NSMCE1: variants seen among roughly 807,000 people sequenced by gnomAD.
NSMCE1 encodes the protein NSE1 component of SMC5/6 complex, also known as non-structural maintenance of chromosomes element 1 homolog.
NSMCE1 carries 18 observed loss-of-function variants against 29.6 expected under a neutral mutation model. The observed-to-expected ratio is 0.61, with a 90% CI of 0.42 to 0.90. The LOEUF is 0.90. NSMCE1 is among the 40% of genes least tolerant of loss of function. NSMCE1 has a pLI of 0.00. For synonymous variants in NSMCE1, 124 were observed against 133.4 expected (o/e 0.93, Z 0.49); for missense variants, 314 against 343.6 (o/e 0.91, Z 0.68).
In NSMCE1 at chr16:27,251,488, C is replaced by T. The variant is rs2084035253; in HGVS notation, c.136+5947G>A. Among the ~76,000 whole-genome samples the T allele has an allele frequency of 2.0e-5, 3 of 152,096 alleles. 1 individual carries two copies. Among genetic ancestry groups the T allele is most frequent in the Admixed American group, 2.0e-4 (3 of 15,270 alleles). Reference sequence around the variant, plus strand: ...ACCCTACTTGGTTATGTCGTACCATCCTTTGTAAACACTGTTAGATTAGAT... The same window carrying T: ...ACCCTACTTGGTTATGTCGTACCATTCTTTGTAAACACTGTTAGATTAGAT... On this transcript the variant is annotated intron_variant, in intron 2 of 7. Coordinates refer to ENST00000361439, the MANE Select transcript of NSMCE1 (RefSeq NM_145080.4).
intron 1 of NSMCE1, among the ~76,000 whole-genome samples, chr16:27,262,542 T>C (rs1468151647): frequency 6.6e-6 from 1 of 152,172 alleles, no homozygotes; most frequent in East Asian, 1.9e-4. Context: ...GCTAGCCATA[T>C]GTGAAGACTG....
Position 27,225,155 on chromosome 16 carries a change from G to A in NSMCE1, c.*2C>T. The A allele has an allele frequency of 1.3e-6, 2 of 1,585,364 alleles. No homozygotes were observed. Among genetic ancestry groups the A allele is most frequent in the East Asian group, 2.2e-5 (1 of 44,470 alleles). On this transcript the variant is annotated 3_prime_UTR_variant, in exon 8 of 8. Coordinates refer to ENST00000361439, the MANE Select transcript of NSMCE1 (RefSeq NM_145080.4). ...AGCCAGCCCCTCAGCAGGGCACGATGGCTAATGCTGCCTGGACCGCAGGGA... is the reference window on the plus strand; with the variant it reads ...AGCCAGCCCCTCAGCAGGGCACGATAGCTAATGCTGCCTGGACCGCAGGGA...
chr16:27,247,883 C>T (rs1301397268), intron 2 of NSMCE1, among the ~76,000 whole-genome samples: 4 of 151,192 alleles, frequency 2.6e-5, no homozygotes, highest in Non-Finnish European at 4.4e-5. Context: ...GCGGAGATTG[C>T]GCCATTGCAA....
chr16:27,257,490 C>G lies in NSMCE1; in HGVS notation c.81G>C (p.Val27=). 3 of 1,613,944 alleles carry G rather than the reference C, an allele frequency of 1.9e-6. No individual in the cohort carries two copies. The highest frequency in any genetic ancestry group is 1.7e-6 in the Non-Finnish European group (2 of 1,179,872). The part of the protein sequence containing the change: ...RFLQLLMTHG[V]LEEWDVKRLQ... Reference sequence around the variant, plus strand: ...AGCGCTTCACGTCCCATTCCTCTAGCACGCCATGGGTCATCAGCAACTGGA... The same window carrying G: ...AGCGCTTCACGTCCCATTCCTCTAGGACGCCATGGGTCATCAGCAACTGGA... The change falls in exon 2 of 8, where the codon GTG becomes GTC. Residue 27 remains valine (V), a synonymous_variant. Transcript: ENST00000361439.
chr16:27,235,484 GACAA>G (rs981116995), intron 2 of NSMCE1, among the ~76,000 whole-genome samples, 185 bp from the exon 3 acceptor site: 3 of 152,198 alleles, frequency 2.0e-5, no homozygotes, highest in African/African-American at 7.2e-5. Context: ...GTACTTGGAA[GACAA>G]ACAGACAACA....
chr16:27,232,808 C>T lies in NSMCE1; in HGVS notation c.483+193G>A, dbSNP rs61701543. Among the ~76,000 whole-genome samples the T allele has an allele frequency of 0.16, 24,138 of 152,180 alleles. 2,724 individuals carry two copies. The highest frequency in any genetic ancestry group is 0.42 in the East Asian group (2,150 of 5,166). ...ATCCTGAACACATCATCTGGGTGAA[C>T]GGGGAGTGGGAGGCAGGAGGAGTGA... is the stretch of plus-strand genomic sequence containing the variant. On this transcript the variant is annotated intron_variant, in intron 5 of 7. Transcript: ENST00000361439. This position sits in a 1 kb window ranked among gnomAD's most constrained non-coding sequence, Gnocchi z 4.5.
chr16:27,264,494 G>C (rs61172255), intron 1 of NSMCE1, among the ~76,000 whole-genome samples: 3,283 of 152,164 alleles, frequency 0.022, 115 homozygotes, highest in African/African-American at 0.074. Context: ...ACTCAGAAAC[G>C]GAAAGGTATA....
chr16:27,233,831 G>C (rs11646067), intron 4 of NSMCE1, among the ~76,000 whole-genome samples: 1 of 152,066 alleles, frequency 6.6e-6, no homozygotes, highest in African/African-American at 2.4e-5. Context: ...GACTGGGACC[G>C]GGCCTTTCTA....
intron 2 of NSMCE1, among the ~76,000 whole-genome samples, chr16:27,235,650 G>T (rs1220363835): frequency 6.6e-6 from 1 of 152,188 alleles, no homozygotes; most frequent in East Asian, 1.9e-4. Flanking sequence ...CAGAGCCTGC[G>T]TGAGCTCCCG....
chr16:27,229,977 G>A (rs1230419314), intron 5 of NSMCE1, among the ~76,000 whole-genome samples: 1 of 152,208 alleles, frequency 6.6e-6, no homozygotes, highest in Non-Finnish European at 1.5e-5. Context: ...CAGGGGAGGG[G>A]CAGGAGGGAT....
rs2083672910 is a variant in NSMCE1, at chr16:27,225,105, C to T, written c.*52G>A. On this transcript the variant is annotated 3_prime_UTR_variant, in exon 8 of 8. Transcript: ENST00000361439. ...ACGGACGCCTTTCTTCCAAGAAGGG[C>T]TGTGGCGATCAGGCCACTCAAGGCA... 10 of 1,014,494 alleles carry T rather than the reference C, an allele frequency of 9.9e-6. No individual in the cohort carries two copies. The Admixed American group carries it at 1.9e-4, about 20-fold the overall frequency. The allele number at this position is 1,014,494 out of a possible 1,614,324, so 62.8% of individuals were successfully genotyped here.
In NSMCE1 at chr16:27,257,419, G is replaced by A. The variant is rs377451020; in HGVS notation, c.136+16C>T. The A allele has an allele frequency of 5.0e-6, 8 of 1,599,760 alleles. No homozygotes were observed. The highest frequency in any genetic ancestry group is 2.7e-5 in the African/African-American group (2 of 74,490). ...ACAGCACCAGAGCGCCCTGGGAACAGGGAAACGGTACTCACGGTCATGGAC... is the reference window on the plus strand; with the variant it reads ...ACAGCACCAGAGCGCCCTGGGAACAAGGAAACGGTACTCACGGTCATGGAC... On this transcript the variant is annotated intron_variant, in intron 2 of 7. Coordinates refer to ENST00000361439, the MANE Select transcript of NSMCE1 (RefSeq NM_145080.4).
At chr16:27,239,878 AAGGGCTAT>A (rs2083872121) in intron 2 of NSMCE1, among the ~76,000 whole-genome samples, 1 of 152,192 alleles carries the variant, frequency 6.6e-6, no homozygotes, top group Non-Finnish European at 1.5e-5. Flanking sequence ...TGGATTTCTT[AAGGGCTAT>A]AGTAAAGTAG....
At chr16:27,249,028 T>C (rs1315387354) in intron 2 of NSMCE1, among the ~76,000 whole-genome samples, 1 of 151,922 alleles carries the variant, frequency 6.6e-6, no homozygotes, top group Non-Finnish European at 1.5e-5. Flanking sequence ...CGGAGTTTTG[T>C]CATGTTGCCC....
chr16:27,268,706 C>A lies in NSMCE1; in HGVS notation c.-12G>T, dbSNP rs943473098. The A allele has an allele frequency of 7.2e-5, 11 of 152,812 alleles. No individual in the cohort carries two copies. Among genetic ancestry groups the A allele is most frequent in the African/African-American group, 2.4e-5 (1 of 41,484 alleles). The allele number at this position is 152,812 out of a possible 1,614,324, so 9.5% of individuals were successfully genotyped here. On this transcript the variant is annotated splice_region_variant and 5_prime_UTR_variant, in exon 1 of 8. Coordinates refer to ENST00000361439, the MANE Select transcript of NSMCE1 (RefSeq NM_145080.4). The stretch of plus-strand genomic sequence containing the variant: ...ACCCCTAGCTCCCCACGTTACCCAC[C>A]AGGGAGCCCAAGCGCATCCCAGGCC...
chr16:27,248,406 CTTTTTT>C (rs756697569), intron 2 of NSMCE1, among the ~76,000 whole-genome samples: 15 of 84,764 alleles, frequency 1.8e-4, no homozygotes, highest in South Asian at 9.0e-4. Context: ...TTTTAGTTTG[CTTTTTT>C]TTTTTTTTTT....
At chr16:27,234,345 C>T in intron 3 of NSMCE1, 80 bp from the exon 4 acceptor site, 2 of 910,710 alleles carry the variant, frequency 2.2e-6, no homozygotes, top group Non-Finnish European at 3.7e-6. Flanking sequence ...CCTCCCTCCC[C>T]TCCTCCATCT....
chr16:27,248,553 G>A (rs1399527564), intron 2 of NSMCE1, among the ~76,000 whole-genome samples: 2 of 151,744 alleles, frequency 1.3e-5, no homozygotes, highest in Admixed American at 6.6e-5. Flanking sequence ...TGGGACTACA[G>A]GCACCCGCCA....
intron 1 of NSMCE1, among the ~76,000 whole-genome samples, chr16:27,264,726 C>T (rs1390995137): frequency 6.6e-6 from 1 of 152,002 alleles, no homozygotes; most frequent in African/African-American, 2.4e-5. Context: ...GGAAGGATTT[C>T]TTTAAGAGAT....
Sources: allele counts gnomAD v4.1 joint callset (sites outside exome capture counted in the v4.1 genomes callset), GRCh38; gene constraint gnomAD v4.1.1; non-coding constraint Gnocchi (gnomAD v3.1); transcripts MANE v1.5; gene names NCBI Gene and HGNC (gene_info 2026-07-23, HGNC 2026-07-21).